Variants in ZNF184 observed in about 807,000 individuals in gnomAD.
ZNF184 encodes the protein zinc finger protein 184, also known as zinc finger protein 184 (Kruppel-like).
Under a neutral mutation model 54.4 loss-of-function variants are expected in ZNF184, and 16 were observed. The ratio of observed to expected loss-of-function variants is 0.29; its 90% CI spans 0.20 to 0.45. ZNF184 has a LOEUF of 0.45. ZNF184 is among the 20% of genes least tolerant of loss of function. The probability of loss-of-function intolerance (pLI) is 1.00; values close to 1 mark genes in which losing one functional copy is unlikely to be tolerated. For missense variants in ZNF184, 681 were observed against 888.2 expected, an observed-to-expected ratio of 0.77 and a Z score of 2.97; for synonymous variants, 254 against 295.3, an observed-to-expected ratio of 0.86 and a Z score of 1.43.
Position 27,452,351 on chromosome 6 carries a change from G to A in ZNF184, c.1208C>T (p.Ser403Leu). The A allele has an allele frequency of 6.2e-7, 1 of 1,614,046 alleles. No homozygotes were observed. The highest frequency in any genetic ancestry group is 8.5e-7 in the Non-Finnish European group (1 of 1,180,004). The change falls in exon 6 of 6, where the codon TCA becomes TTA. Residue 403 changes from serine (S) to leucine (L), a missense_variant. Coordinates refer to ENST00000683788, the MANE Select transcript of ZNF184 (RefSeq NM_001318891.2). The surrounding 1 kb of genome is among the most constrained non-coding windows in gnomAD (Gnocchi z 5.5). ...AATCATATGATGACGGATAAAAGTT[G>A]AGGGCCCGTTGAAGGCCTTTCCACA... ...NECGKAFNGPSTFIRHHMIHT... is the reference protein window; with the variant it reads ...NECGKAFNGPLTFIRHHMIHT...
chr6:27,445,850 G>A (rs1271167923), downstream of ZNF184, among the ~76,000 whole-genome samples: 1 of 152,152 alleles, frequency 6.6e-6, no homozygotes, highest in East Asian at 1.9e-4. Flanking sequence ...AGAACTTGGG[G>A]GATTGTGTCT....
At chr6:27,457,854 T>C (rs890648899) in intron 3 of ZNF184, among the ~76,000 whole-genome samples, 4 of 152,148 alleles carry the variant, frequency 2.6e-5, no homozygotes, top group Non-Finnish European at 5.9e-5. Context: ...AATTTAAAAA[T>C]GGCCTAGTCT....
At chr6:27,456,041 T>G (rs939084590) in intron 5 of ZNF184, among the ~76,000 whole-genome samples, 10 of 152,144 alleles carry the variant, frequency 6.6e-5, no homozygotes, top group Non-Finnish European at 1.5e-4. Context: ...GTAGATCACT[T>G]GAGCCCAGGA....
At position 27,472,501 on chromosome 6, in the gene ZNF184, C is replaced by T. The variant is rs994295701; in HGVS notation, c.-139-68G>A. On this transcript the variant is annotated intron_variant, in intron 1 of 5. Transcript: ENST00000683788. This position sits in a 1 kb window ranked among gnomAD's most constrained non-coding sequence, Gnocchi z 4.8. ...CACACATCAGAGTCTTGCAAAGTGA[C>T]CAAGAGGTGCTACACAAGAGAAGTG... The T allele has an allele frequency of 5.5e-5, 33 of 600,288 alleles. No homozygotes were observed. In the African/African-American group the frequency reaches 5.7e-4, roughly 10 times the overall value. The allele number at this position is 600,288 out of a possible 1,614,324, so 37.2% of individuals were successfully genotyped here.
the ZNF184 span, among the ~76,000 whole-genome samples, chr6:27,430,818 G>A: frequency 6.6e-6 from 1 of 152,340 alleles, no homozygotes; most frequent in East Asian, 1.9e-4. Flanking sequence ...AGGGTCAGGA[G>A]TGTTCATGTT....
At chr6:27,429,828 G>T in the ZNF184 span, among the ~76,000 whole-genome samples, 1 of 152,158 alleles carries the variant, frequency 6.6e-6, no homozygotes, top group South Asian at 2.1e-4. Context: ...CTCGGCCTAA[G>T]AATTAAATTG....
the ZNF184 span, among the ~76,000 whole-genome samples, chr6:27,432,642 C>T: frequency 6.6e-6 from 1 of 152,144 alleles, no homozygotes; most frequent in Non-Finnish European, 1.5e-5. This position sits in a 1 kb window ranked among gnomAD's most constrained non-coding sequence, Gnocchi z 4.0. Context: ...CTGTGGTTTC[C>T]TCTTCTCATC....
the ZNF184 span, among the ~76,000 whole-genome samples, chr6:27,412,454 A>G: frequency 6.6e-6 from 1 of 152,184 alleles, no homozygotes; most frequent in Admixed American, 6.5e-5. Flanking sequence ...CATGAGCTAC[A>G]TGCAGTTCCC....
rs1173694318 is a variant in ZNF184, at chr6:27,452,300, CA to C, written c.1258del (p.Cys420AlafsTer46). On this transcript the variant is annotated frameshift_variant, in exon 6 of 6. Transcript: ENST00000683788. LOFTEE classifies it high-confidence loss of function. The surrounding 1 kb of genome is among the most constrained non-coding windows in gnomAD (Gnocchi z 5.5). Reference protein sequence around the residue: ...MIHTGEKPYECNECGKAFSQH... With the variant: ...MIHTGEKPYEXNECGKAFSQH... ...GCTGAAGGCTTTCCCACATTCATTG[CA>C]TTCGTACGGTTTTTCACCAGTATGA... 1 of 1,614,114 alleles carries C rather than the reference CA, an allele frequency of 6.2e-7. No individual in the cohort carries two copies. The highest frequency in any genetic ancestry group is 8.5e-7 in the Non-Finnish European group (1 of 1,180,006).
At chr6:27,419,056 A>C in the ZNF184 span, among the ~76,000 whole-genome samples, 84 of 151,850 alleles carry the variant, frequency 5.5e-4, no homozygotes, top group African/African-American at 2.0e-3. This position sits in a 1 kb window ranked among gnomAD's most constrained non-coding sequence, Gnocchi z 4.8. Context: ...TTTTTTCTAT[A>C]TTCACGGCTA....
the ZNF184 span, among the ~76,000 whole-genome samples, chr6:27,425,576 A>G: frequency 2.0e-5 from 3 of 152,206 alleles, no homozygotes; most frequent in African/African-American, 7.2e-5. Context: ...TGAAGGATAC[A>G]CAGGAGTTCA....
At chr6:27,434,143 C>CTGAGTAGCTAAGTAGCTACTAAGTAG in the ZNF184 span, among the ~76,000 whole-genome samples, 1 of 152,152 alleles carries the variant, frequency 6.6e-6, no homozygotes, top group East Asian at 1.9e-4. Flanking sequence ...GCCTCAGCCT[C>CTGAGTAGCTAAGTAGCTACTAAGTAG]CTGAGTAGCT....
Position 27,451,039 on chromosome 6 carries a change from AAACTACCT to A in ZNF184, c.*256_*263del. 2.8e-6 allele frequency: 1 copy of A among 358,720 alleles called. No homozygotes were observed. Among genetic ancestry groups the A allele is most frequent in the East Asian group, 4.4e-5 (1 of 22,930 alleles). 22.2% of individuals were successfully genotyped at this position (358,720 alleles called of 1,614,324 possible). A position where few individuals can be genotyped will look rare whatever the true frequency, so the allele number is the denominator to read the frequency against. Reference sequence around the variant, plus strand: ...TATACAAAACTGATTATAAAACTCCAAACTACCTTTGAAATAATCTACTCCAAATCCTT... The same window carrying A: ...TATACAAAACTGATTATAAAACTCCATTGAAATAATCTACTCCAAATCCTT... On this transcript the variant is annotated 3_prime_UTR_variant, in exon 6 of 6. Coordinates refer to ENST00000683788, the MANE Select transcript of ZNF184 (RefSeq NM_001318891.2).
At position 27,450,967 on chromosome 6, in the gene ZNF184, A is replaced by T. The variant is rs980330434; in HGVS notation, c.*336T>A. 2 of 194,258 alleles carry T rather than the reference A, an allele frequency of 1.0e-5. No homozygotes were observed. The highest frequency in any genetic ancestry group is 4.7e-5 in the African/African-American group (2 of 42,694). The allele number at this position is 194,258 out of a possible 1,614,324, so 12.0% of individuals were successfully genotyped here. On this transcript the variant is annotated 3_prime_UTR_variant, in exon 6 of 6. Transcript: ENST00000683788. ...AACATACACATTCTAGATGCAACACAGCAAAATGCTGATGTATAGTAAACC... is the reference window on the plus strand; with the variant it reads ...AACATACACATTCTAGATGCAACACTGCAAAATGCTGATGTATAGTAAACC...
At chr6:27,424,920 G>C in the ZNF184 span, among the ~76,000 whole-genome samples, 1 of 152,196 alleles carries the variant, frequency 6.6e-6, no homozygotes, top group African/African-American at 2.4e-5. Context: ...GGAGCCCATG[G>C]AGGGGGTGGG....
At chr6:27,466,095 T>C (rs1469522677) in intron 3 of ZNF184, among the ~76,000 whole-genome samples, 1 of 151,818 alleles carries the variant, frequency 6.6e-6, no homozygotes, top group Non-Finnish European at 1.5e-5. Context: ...GAGGTAAGCA[T>C]ATCAGAGTAG....
the ZNF184 span, among the ~76,000 whole-genome samples, chr6:27,425,885 A>T: frequency 1.3e-5 from 2 of 151,996 alleles, no homozygotes; most frequent in African/African-American, 2.4e-5. Context: ...CCCAGATCTC[A>T]CTCTCTTCAG....
chr6:27,454,190 A>G (rs7758568), intron 5 of ZNF184, among the ~76,000 whole-genome samples: 3,368 of 152,250 alleles, frequency 0.022, 87 homozygotes, highest in African/African-American at 0.061. Context: ...TAAAGAACAG[A>G]TTCAATGGTA....
chr6:27,442,854 GAAAGAAAGAAAGAAAGAAAGAAAGAA>G, the ZNF184 span, among the ~76,000 whole-genome samples: 1,112 of 68,822 alleles, frequency 0.016, 161 homozygotes, highest in Middle Eastern at 0.07. Flanking sequence ...AAGAAAGAAA[GAAAGAAAGAAAGAAAGAAAGAAAGAA>G]AAAGAAAAAA....
Sources: gnomAD v4.1 joint callset for allele counts (sites outside exome capture counted in the v4.1 genomes callset) on GRCh38, gnomAD v4.1.1 for gene constraint, Gnocchi (gnomAD v3.1) non-coding constraint, MANE v1.5 for transcripts, NCBI Gene and HGNC (gene_info 2026-07-23, HGNC 2026-07-21) for gene names.